SUFU: variants seen among roughly 807,000 people sequenced by gnomAD.
The protein encoded by SUFU is SUFU negative regulator of hedgehog signaling.
In SUFU, 7 loss-of-function variants were observed where a neutral mutation model predicts 58.9. That is an observed-to-expected ratio of 0.12 (90% CI 0.07 to 0.22). The LOEUF is 0.22. Ranked by LOEUF, SUFU falls within the 10% of genes least tolerant of loss-of-function variation. The pLI is 1.00. For missense variants in SUFU, 451 were observed against 641.3 expected (o/e 0.70, Z 3.20); for synonymous variants, 232 against 254.8 (o/e 0.91, Z 0.85).
At chr10:102,538,658 C>G (rs750125318) in intron 2 of SUFU, among the ~76,000 whole-genome samples, 5 of 152,290 alleles carry the variant, frequency 3.3e-5, no homozygotes, top group Admixed American at 6.5e-5. Context: ...TGCAGCCTCT[C>G]CCGCTGTCAA....
chr10:102,520,212 CTTTTTTTT>C (rs36020604), intron 2 of SUFU, among the ~76,000 whole-genome samples: 14 of 113,542 alleles, frequency 1.2e-4, no homozygotes, highest in South Asian at 1.2e-3. Flanking sequence ...TTTTTTCTTT[CTTTTTTTT>C]TTTTTTTTTT....
intron 2 of SUFU, among the ~76,000 whole-genome samples, chr10:102,536,949 T>G (rs536141313): frequency 8.4e-4 from 128 of 152,132 alleles, no homozygotes; most frequent in African/African-American, 3.0e-3. Flanking sequence ...TAGCTGGGAC[T>G]GCAGGCATGT....
chr10:102,617,359 C>G lies in SUFU; in HGVS notation c.1227C>G (p.Val409=), dbSNP rs753190647. 8.1e-6 allele frequency: 13 copies of G among 1,614,134 alleles called. No homozygotes were observed. The highest frequency in any genetic ancestry group is 1.1e-5 in the Non-Finnish European group (13 of 1,180,042). The change falls in exon 10 of 12, where the codon GTC becomes GTG. Residue 409 remains valine (V), a synonymous_variant. Transcript: ENST00000369902. This position sits in a 1 kb window ranked among gnomAD's most constrained non-coding sequence, Gnocchi z 4.4. ...CAGGTGACATGGCCATCACGTTTGT[C>G]TCCACGGGAGTGGAAGGCGCCTTTG... ...SITGDMAITF[V]STGVEGAFAT...
chr10:102,547,284 A>C (rs2062865086), intron 2 of SUFU, among the ~76,000 whole-genome samples: 1 of 152,114 alleles, frequency 6.6e-6, no homozygotes, highest in Admixed American at 6.5e-5. Context: ...ACCCCTCCCA[A>C]ACCTGCAGCT....
rs111933020 is a variant in SUFU, at chr10:102,628,594, G to A, written c.1365+1351G>A. 1.3e-5 allele frequency among the ~76,000 whole-genome samples: 2 copies of A among 152,260 alleles called. No individual in the cohort carries two copies. The highest frequency in any genetic ancestry group is 4.8e-5 in the African/African-American group (2 of 41,540). On this transcript the variant is annotated intron_variant, in intron 11 of 11. Transcript: ENST00000369902. The surrounding 1 kb of genome is among the most constrained non-coding windows in gnomAD (Gnocchi z 4.5). Reference sequence around the variant, plus strand: ...TAGGAGGGGGACAGTCCAGGCAAGAGGGACAGAAGCCTGGGGGAGCAGAGG... The same window carrying A: ...TAGGAGGGGGACAGTCCAGGCAAGAAGGACAGAAGCCTGGGGGAGCAGAGG...
intron 3 of SUFU, among the ~76,000 whole-genome samples, chr10:102,557,564 G>A (rs988753508): frequency 3.9e-5 from 6 of 152,110 alleles, no homozygotes; most frequent in African/African-American, 1.4e-4. Context: ...GCTGCAGTGA[G>A]CCATGATCAC....
intron 2 of SUFU, among the ~76,000 whole-genome samples, chr10:102,545,423 T>G (rs560963877): frequency 6.6e-6 from 1 of 150,544 alleles, no homozygotes; most frequent in South Asian, 2.2e-4. Context: ...CATGAGCCAC[T>G]GCATCCAGCC....
chr10:102,615,112 G>A (rs528373913), intron 8 of SUFU, among the ~76,000 whole-genome samples, 156 bp from the exon 9 acceptor site: 1 of 152,104 alleles, frequency 6.6e-6, no homozygotes, highest in Non-Finnish European at 1.5e-5. Context: ...AGTGGCTGGC[G>A]CTCGCCAGGC....
chr10:102,592,835 G>T (rs778433288), intron 4 of SUFU, 111 bp downstream of exon 4: 1 of 1,272,302 alleles, frequency 7.9e-7, no homozygotes, highest in Non-Finnish European at 1.1e-6. Context: ...CTTTGGCCTC[G>T]TCCTGATTTC....
intron 3 of SUFU, among the ~76,000 whole-genome samples, chr10:102,558,023 C>G (rs1440144148): frequency 6.6e-6 from 1 of 151,526 alleles, no homozygotes; most frequent in Admixed American, 6.6e-5. Context: ...CCTCAGCCTC[C>G]CGAGTAGCTG....
rs1008561456 is a variant in SUFU at position 102,574,945 on chromosome 10, A to G, written c.455-17637A>G. ...GTGGCATGCACCTGTAGTCCCAGCTACTCAGGAGGCTGAGGCAGGAGAATC... is the reference window on the plus strand; with the variant it reads ...GTGGCATGCACCTGTAGTCCCAGCTGCTCAGGAGGCTGAGGCAGGAGAATC... On this transcript the variant is annotated intron_variant, in intron 3 of 11. Transcript: ENST00000369902. Among the ~76,000 whole-genome samples the G allele has an allele frequency of 3.3e-5, 5 of 152,070 alleles. No individual in the cohort carries two copies. The East Asian group carries it at 9.7e-4, about 29-fold the overall frequency.
chr10:102,581,611 A>T (rs1299996166), intron 3 of SUFU, among the ~76,000 whole-genome samples: 2 of 152,170 alleles, frequency 1.3e-5, no homozygotes. Flanking sequence ...CTTCTCAGGA[A>T]GGAGGGCGGG....
intron 8 of SUFU, among the ~76,000 whole-genome samples, chr10:102,609,534 T>A (rs1009890101): frequency 1.6e-4 from 25 of 152,256 alleles, no homozygotes; most frequent in Non-Finnish European, 2.8e-4. Flanking sequence ...ATTTTTGTAC[T>A]TCTCTTTGGA....
intron 8 of SUFU, among the ~76,000 whole-genome samples, chr10:102,601,352 G>A (rs916587925): frequency 6.6e-6 from 1 of 152,162 alleles, no homozygotes; most frequent in Non-Finnish European, 1.5e-5. Flanking sequence ...CTGGGCAGTC[G>A]GGTATTGGTT....
In SUFU at chr10:102,550,099, CCA is replaced by C; in HGVS notation, c.448_449del (p.Gln150ValfsTer19). 1 of 1,614,154 alleles carries C rather than the reference CCA, an allele frequency of 6.2e-7. No individual in the cohort carries two copies. Among genetic ancestry groups the C allele is most frequent in the Non-Finnish European group, 8.5e-7 (1 of 1,180,018 alleles). The part of the protein sequence containing the change: ...LMQGLARYVF[Q>X]SENTFCSGDH... ...TGCAGGGCTTGGCACGATACGTGTT[CCA>C]GTCAGGTAGGAGGCCAGGGCTGGCT... On this transcript the variant is annotated frameshift_variant, in exon 3 of 12. Coordinates refer to ENST00000369902, the MANE Select transcript of SUFU (RefSeq NM_016169.4). LOFTEE classifies it high-confidence loss of function.
intron 3 of SUFU, among the ~76,000 whole-genome samples, chr10:102,552,171 C>A (rs951390853): frequency 2.6e-5 from 4 of 152,044 alleles, no homozygotes; most frequent in Admixed American, 6.6e-5. Flanking sequence ...CTATATTCTT[C>A]AAAAATGTCA....
intron 2 of SUFU, among the ~76,000 whole-genome samples, chr10:102,521,808 AT>A (rs2062555243): frequency 6.6e-6 from 1 of 152,196 alleles, no homozygotes; most frequent in African/African-American, 2.4e-5. Context: ...TAAATTCGTT[AT>A]TGTTATCCAA....
intron 2 of SUFU, among the ~76,000 whole-genome samples, chr10:102,511,279 C>T (rs915621121): frequency 4.0e-5 from 6 of 151,840 alleles, no homozygotes; most frequent in South Asian, 2.1e-4. Flanking sequence ...AAATAGTCTT[C>T]CCTCAACCTC....
At chr10:102,553,873 G>A (rs1440956813) in intron 3 of SUFU, among the ~76,000 whole-genome samples, 1 of 152,178 alleles carries the variant, frequency 6.6e-6, no homozygotes, top group East Asian at 1.9e-4. Flanking sequence ...GTGGGAGGTT[G>A]GCCTAAGCCC....
Sources: allele counts gnomAD v4.1 joint callset (sites outside exome capture counted in the v4.1 genomes callset), GRCh38; gene constraint gnomAD v4.1.1; non-coding constraint Gnocchi (gnomAD v3.1); transcripts MANE v1.5; gene names NCBI Gene and HGNC (gene_info 2026-07-23, HGNC 2026-07-21).